The following GPR137B variants were observed in gnomAD, a reference collection of about 807,000 sequenced individuals.
GPR137B encodes the protein integral membrane protein GPR137B.
Under a neutral mutation model 42.5 loss-of-function variants are expected in GPR137B, and 42 were observed. The ratio of observed to expected loss-of-function variants is 0.99; its 90% CI spans 0.77 to 1.28. The LOEUF (loss-of-function observed/expected upper bound fraction) is 1.28, where lower values mean the gene tolerates loss of function less well. Ranked by LOEUF, GPR137B falls within the 50% of genes most tolerant of loss-of-function variation. The pLI is 0.00. For synonymous variants in GPR137B, 218 were observed against 209.7 expected (o/e 1.04, Z -0.34); for missense variants, 487 against 493.9 (o/e 0.99, Z 0.13).
chr1:236,173,237 G>A (rs1277959360), intron 2 of GPR137B, among the ~76,000 whole-genome samples: 1 of 150,274 alleles, frequency 6.7e-6, no homozygotes, highest in African/African-American at 2.4e-5. Context: ...GCTGCAGTGA[G>A]CTGTGATTGC....
chr1:236,189,412 G>C (rs574960355), intron 5 of GPR137B, among the ~76,000 whole-genome samples: 4 of 151,980 alleles, frequency 2.6e-5, no homozygotes, highest in African/African-American at 9.7e-5. Flanking sequence ...GTGATGTTAG[G>C]GTGTCAATTT....
intron 1 of GPR137B, among the ~76,000 whole-genome samples, chr1:236,153,986 G>A (rs561445286): frequency 1.3e-5 from 2 of 152,352 alleles, no homozygotes; most frequent in Non-Finnish European, 2.9e-5. Flanking sequence ...GACTTGGGCT[G>A]TTGGGTTTCC....
intron 5 of GPR137B, 69 bp from the exon 6 acceptor site, chr1:236,205,057 A>G (rs1663614170): frequency 1.3e-5 from 17 of 1,307,488 alleles, no homozygotes; most frequent in Middle Eastern, 1.9e-4. Flanking sequence ...TACAAGAAAG[A>G]GATCTTATTT....
chr1:236,178,945 C>T (rs564399916), intron 3 of GPR137B, among the ~76,000 whole-genome samples: 15 of 151,304 alleles, frequency 9.9e-5, no homozygotes, highest in Middle Eastern at 3.4e-3. Flanking sequence ...CTACAGGCAC[C>T]CACCACTACG....
intron 4 of GPR137B, 75 bp downstream of exon 4, chr1:236,180,103 C>T (rs754138255): frequency 8.4e-7 from 1 of 1,196,376 alleles, no homozygotes; most frequent in East Asian, 2.3e-5. Flanking sequence ...TCCAGGACCC[C>T]AGAAAATACC....
chr1:236,146,065 C>T (rs1661673523), intron 1 of GPR137B, among the ~76,000 whole-genome samples: 1 of 151,746 alleles, frequency 6.6e-6, no homozygotes, highest in Non-Finnish European at 1.5e-5. Context: ...GCCATGTTGG[C>T]CAGGTTGGTC....
rs1003769749 is a variant in GPR137B at position 236,156,565 on chromosome 1, G to A, written c.415-12141G>A. On this transcript the variant is annotated intron_variant, in intron 1 of 6. Transcript: ENST00000366592. The surrounding 1 kb of genome is among the most constrained non-coding windows in gnomAD (Gnocchi z 4.8). ...AGGCATAGAGGCCCCGCCCTTGCTCGCACTGTCTTGGAGACTGAGCCTCAA... is the reference window on the plus strand; with the variant it reads ...AGGCATAGAGGCCCCGCCCTTGCTCACACTGTCTTGGAGACTGAGCCTCAA... 6.6e-6 allele frequency among the ~76,000 whole-genome samples: 1 copy of A among 152,164 alleles called. No homozygotes were observed. Among genetic ancestry groups the A allele is most frequent in the Non-Finnish European group, 1.5e-5 (1 of 68,034 alleles).
intron 5 of GPR137B, among the ~76,000 whole-genome samples, chr1:236,186,332 AT>A (rs35801231): frequency 0.11 from 4,779 of 41,648 alleles, 211 homozygotes; most frequent in East Asian, 0.19. Context: ...ATAATATATA[AT>A]TATATATATT....
At chr1:236,153,883 T>G (rs1308751106) in intron 1 of GPR137B, among the ~76,000 whole-genome samples, 1 of 152,204 alleles carries the variant, frequency 6.6e-6, no homozygotes, top group African/African-American at 2.4e-5. Flanking sequence ...CTCACTGTAA[T>G]GAAATCAAAA....
At chr1:236,206,800 C>T (rs1663675833) in intron 6 of GPR137B, among the ~76,000 whole-genome samples, 1 of 150,778 alleles carries the variant, frequency 6.6e-6, no homozygotes, top group South Asian at 2.1e-4. Context: ...TATCATGTTT[C>T]CCCTTTCAGC....
chr1:236,183,865 G>C lies in GPR137B; in HGVS notation c.925G>C (p.Val309Leu). ...FVWELLPTTL[V>L]VYFFRVRNPT... ...TTGGGAACTCTTACCTACCACCTTA[G>C]TCGTTTATTTCTTCCGAGTTAGAAA... Residue 309 changes from valine to leucine, a missense_variant, in exon 5 of 7, where the codon GTC (valine) becomes CTC (leucine). Transcript: ENST00000366592. 6.2e-7 allele frequency: 1 copy of C among 1,608,396 alleles called. No individual in the cohort carries two copies. The highest frequency in any genetic ancestry group is 1.7e-4 in the Middle Eastern group (1 of 6,048).
At position 236,161,305 on chromosome 1, in the gene GPR137B, C is replaced by T. The variant is rs535058156; in HGVS notation, c.415-7401C>T. ...GCGGCCTCTTCCTGGCTGGTCCACA[C>T]CCCAGCCCGACCTTCTGCTGCCCTC... On this transcript the variant is annotated intron_variant, in intron 1 of 6. Coordinates refer to ENST00000366592, the MANE Select transcript of GPR137B (RefSeq NM_003272.4). Among the ~76,000 whole-genome samples, 94 of 152,290 alleles carry T rather than the reference C, an allele frequency of 6.2e-4. 2 individuals are homozygous for T. In the South Asian group the frequency reaches 6.8e-3, roughly 11 times the overall value.
Position 236,203,285 on chromosome 1 carries a change from G to C in GPR137B, c.967-1841G>C, listed in dbSNP as rs375114830. Among the ~76,000 whole-genome samples the C allele has an allele frequency of 3.9e-5, 6 of 152,180 alleles. No homozygotes were observed. The East Asian group carries it at 9.7e-4, about 24-fold the overall frequency. On this transcript the variant is annotated intron_variant, in intron 5 of 6. Transcript: ENST00000366592. ...GTAGAGATGGGGTTTCACTGTGTTA[G>C]CCAGGATGGTCTTGATCTCCTGACC...
In GPR137B at chr1:236,207,251, C is replaced by T. The variant is rs1572015116; in HGVS notation, c.1092-799C>T. 3.0e-6 allele frequency: 3 copies of T among 985,266 alleles called. No individual in the cohort carries two copies. The Middle Eastern group carries it at 1.6e-3, about 515-fold the overall frequency. The allele number at this position is 985,266 out of a possible 1,614,324, so 61.0% of individuals were successfully genotyped here. ...GCTGAGAAAAAAGAAGAAAGCTGCC[C>T]AATGCGCTGAGCCAGCAGATGTAAA... On this transcript the variant is annotated intron_variant, in intron 6 of 6. Coordinates refer to ENST00000366592, the MANE Select transcript of GPR137B (RefSeq NM_003272.4).
chr1:236,149,207 C>T (rs1279610883), intron 1 of GPR137B, among the ~76,000 whole-genome samples: 5 of 151,982 alleles, frequency 3.3e-5, no homozygotes, highest in African/African-American at 1.2e-4. Flanking sequence ...GTTTGTAAAA[C>T]GGTGGTGACT....
chr1:236,173,739 A>G (rs964599496), intron 2 of GPR137B, among the ~76,000 whole-genome samples: 2 of 147,968 alleles, frequency 1.4e-5, no homozygotes, highest in African/African-American at 5.1e-5. Context: ...AGGCAGTAGT[A>G]TTGGGGGCAG....
chr1:236,192,804 T>C (rs1484690793), intron 5 of GPR137B, among the ~76,000 whole-genome samples: 7 of 152,114 alleles, frequency 4.6e-5, no homozygotes, highest in Non-Finnish European at 5.9e-5. Context: ...ATAGGTGATA[T>C]GTTTTTATCG....
In GPR137B at chr1:236,155,551, C is replaced by T. The variant is rs1571964846; in HGVS notation, c.414+12515C>T. On this transcript the variant is annotated intron_variant, in intron 1 of 6. Coordinates refer to ENST00000366592, the MANE Select transcript of GPR137B (RefSeq NM_003272.4). This position sits in a 1 kb window ranked among gnomAD's most constrained non-coding sequence, Gnocchi z 4.6. ...GTGGGAGGTGTGCTCTCTAGAGTCC[C>T]GTCTCCTCGCGGGCTGCCTGCTGGG... Among the ~76,000 whole-genome samples, 3 of 151,998 alleles carry T rather than the reference C, an allele frequency of 2.0e-5. No homozygotes were observed. In the South Asian group the frequency reaches 6.2e-4, roughly 32 times the overall value.
At chr1:236,161,247 C>T (rs1447828837) in intron 1 of GPR137B, among the ~76,000 whole-genome samples, 1 of 152,062 alleles carries the variant, frequency 6.6e-6, no homozygotes, top group Non-Finnish European at 1.5e-5. Context: ...TGCCAATGCT[C>T]CCCCGAAGCT....
Sources: gnomAD v4.1 joint callset for allele counts (sites outside exome capture counted in the v4.1 genomes callset) on GRCh38, gnomAD v4.1.1 for gene constraint, Gnocchi (gnomAD v3.1) non-coding constraint, MANE v1.5 for transcripts, NCBI Gene and HGNC (gene_info 2026-07-23, HGNC 2026-07-21) for gene names.